Variants in DTWD1 observed in about 807,000 individuals in gnomAD.
DTWD1 encodes tRNA-uridine aminocarboxypropyltransferase 1.
In DTWD1, 27 loss-of-function variants were observed where a neutral mutation model predicts 30.2. The ratio of observed to expected loss-of-function variants is 0.90; its 90% CI spans 0.66 to 1.23. The LOEUF (loss-of-function observed/expected upper bound fraction) is 1.23. DTWD1 is among the 50% of genes most tolerant of loss of function. The probability of loss-of-function intolerance (pLI) is 0.00; values close to 1 mark genes in which losing one functional copy is unlikely to be tolerated. For synonymous variants in DTWD1, 99 were observed against 113.1 expected (o/e 0.88, Z 0.79); for missense variants, 342 against 348.8 (o/e 0.98, Z 0.15).
intron 4 of DTWD1, among the ~76,000 whole-genome samples, chr15:49,637,602 A>G (rs2079018310): frequency 6.6e-6 from 1 of 152,208 alleles, no homozygotes; most frequent in Non-Finnish European, 1.5e-5. Context: ...TTTAGAGTGA[A>G]AAACTTGGTT....
At chr15:49,633,894 T>C (rs537940389) in intron 3 of DTWD1, among the ~76,000 whole-genome samples, 1 of 152,236 alleles carries the variant, frequency 6.6e-6, no homozygotes, top group Non-Finnish European at 1.5e-5. Flanking sequence ...ATCATATTTA[T>C]GTAATTTTTC....
intron 3 of DTWD1, among the ~76,000 whole-genome samples, chr15:49,633,047 ATC>A (rs201054169): frequency 0.045 from 4,854 of 108,400 alleles, 295 homozygotes; most frequent in African/African-American, 0.14. Flanking sequence ...TTATATCTAT[ATC>A]TATATATATA....
At chr15:49,643,107 A>AT (rs2079084160) in intron 4 of DTWD1, among the ~76,000 whole-genome samples, 1 of 152,066 alleles carries the variant, frequency 6.6e-6, no homozygotes, top group African/African-American at 2.4e-5. Flanking sequence ...ACTGTCATGT[A>AT]TAAGATTTTA....
At position 49,651,240 on chromosome 15, in the gene DTWD1, A is replaced by T. The variant is rs541714987; in HGVS notation, c.*7662A>T. 1 of 152,294 alleles carries T rather than the reference A, an allele frequency of 6.6e-6. No homozygotes were observed. Among genetic ancestry groups the T allele is most frequent in the African/African-American group, 2.4e-5 (1 of 41,584 alleles). 9.4% of individuals were successfully genotyped at this position (152,294 alleles called of 1,614,324 possible). ...GAATAAATACTGGAAGATCAAGCAC[A>T]GAAAGTCTAGAATAGAGGCATGTGA... On this transcript the variant is annotated 3_prime_UTR_variant, in exon 5 of 5. Transcript: ENST00000403028.
At chr15:49,626,694 A>G (rs1005758632) in intron 2 of DTWD1, 5 of 384,262 alleles carry the variant, frequency 1.3e-5, no homozygotes, top group Non-Finnish European at 2.7e-5. Flanking sequence ...GTTCATTTGA[A>G]TTTGAAGTAA....
intron 4 of DTWD1, among the ~76,000 whole-genome samples, chr15:49,638,876 G>A (rs535804752): frequency 1.3e-4 from 20 of 152,268 alleles, no homozygotes; most frequent in Non-Finnish European, 2.6e-4. Flanking sequence ...TACAGGTGAA[G>A]AATGATATAA....
intron 1 of DTWD1, among the ~76,000 whole-genome samples, chr15:49,624,194 C>T (rs1394021022): frequency 6.6e-6 from 1 of 152,196 alleles, no homozygotes. Context: ...ATGTTTCCTG[C>T]TGGAGTCACA....
chr15:49,631,417 T>G (rs1397595018), intron 2 of DTWD1, among the ~76,000 whole-genome samples: 2 of 152,214 alleles, frequency 1.3e-5, no homozygotes, highest in Non-Finnish European at 2.9e-5. Flanking sequence ...GAACAGAATT[T>G]CAACTTGAAT....
At chr15:49,629,724 A>C (rs755342675) in intron 2 of DTWD1, 1 of 152,222 alleles carries the variant, frequency 6.6e-6, no homozygotes, top group African/African-American at 2.4e-5. Context: ...CTGCCTACTT[A>C]AATGGTAAAT....
intron 4 of DTWD1, among the ~76,000 whole-genome samples, chr15:49,642,525 A>G (rs552801553): frequency 2.0e-4 from 30 of 152,314 alleles, no homozygotes; most frequent in African/African-American, 7.2e-4. Flanking sequence ...GTTCATGAAT[A>G]TAGCCTGAAA....
rs754313737 is a variant in DTWD1 at position 49,632,135 on chromosome 15, T to A, written c.265-24T>A. 1.7e-5 allele frequency: 26 copies of A among 1,534,400 alleles called. 1 individual carries two copies. The South Asian group carries it at 2.8e-4, about 17-fold the overall frequency. ...AAATTAAAATGTTTATATATTTTTT[T>A]ATTTGTGCTTTTTTTACCTTTAGCT... On this transcript the variant is annotated intron_variant, in intron 2 of 4. Transcript: ENST00000403028.
chr15:49,647,202 C>G lies in DTWD1; in HGVS notation c.*3624C>G, dbSNP rs1482511353. 6.6e-6 allele frequency: 1 copy of G among 152,180 alleles called. No homozygotes were observed. Among genetic ancestry groups the G allele is most frequent in the African/African-American group, 2.4e-5 (1 of 41,450 alleles). The allele number at this position is 152,180 out of a possible 1,614,324, so 9.4% of individuals were successfully genotyped here. On this transcript the variant is annotated 3_prime_UTR_variant, in exon 5 of 5. Transcript: ENST00000403028. Reference sequence around the variant, plus strand: ...GAGCCCTTTGGTTCATCCTGAAGGTCCCCCTAAATCCCTTCAGAAGTCTTA... The same window carrying G: ...GAGCCCTTTGGTTCATCCTGAAGGTGCCCCTAAATCCCTTCAGAAGTCTTA...
chr15:49,629,083 G>A (rs1046437925), intron 2 of DTWD1, among the ~76,000 whole-genome samples: 31 of 152,000 alleles, frequency 2.0e-4, no homozygotes, highest in African/African-American at 6.0e-4. Context: ...GAGAACATGC[G>A]TTGTTTGGTT....
At chr15:49,624,568 A>G (rs2078813513) in intron 1 of DTWD1, among the ~76,000 whole-genome samples, 2 of 152,156 alleles carry the variant, frequency 1.3e-5, no homozygotes, top group African/African-American at 4.8e-5. Flanking sequence ...ATTTTACCTT[A>G]TGGGATATTT....
Position 49,633,049 on chromosome 15 carries a change from C to CTATATATATATATATATA in DTWD1, c.408+751_408+768dup, listed in dbSNP as rs1555588610. ...TTTACTTTCCTATTTATATCTATAT[C>CTATATATATATATATATA]TATATATATATATATATATATGTAT... On this transcript the variant is annotated intron_variant, in intron 3 of 4. Transcript: ENST00000403028. Among the ~76,000 whole-genome samples, 745 of 117,158 alleles carry CTATATATATATATATATA rather than the reference C, an allele frequency of 6.4e-3. 5 individuals are homozygous for CTATATATATATATATATA. Among genetic ancestry groups the CTATATATATATATATATA allele is most frequent in the South Asian group, 0.011 (42 of 3,724 alleles). 76.9% of individuals were successfully genotyped at this position (117,158 alleles called of 152,430 possible).
At chr15:49,625,950 C>A (rs2078838480) in intron 2 of DTWD1, among the ~76,000 whole-genome samples, 1 of 152,078 alleles carries the variant, frequency 6.6e-6, no homozygotes, top group Non-Finnish European at 1.5e-5. Flanking sequence ...AGAATAAGAA[C>A]ATCACACAAT....
At chr15:49,633,037 T>TTATA (rs1555588540) in intron 3 of DTWD1, among the ~76,000 whole-genome samples, 14 of 76,688 alleles carry the variant, frequency 1.8e-4, no homozygotes, top group African/African-American at 3.8e-4. Context: ...ACTTTCCTAT[T>TTATA]TATATCTATA....
rs746899763 is a variant in DTWD1, at chr15:49,630,921, G to C, written c.265-1238G>C. On this transcript the variant is annotated intron_variant, in intron 2 of 4. Coordinates refer to ENST00000403028, the MANE Select transcript of DTWD1 (RefSeq NM_001144955.2). ...AGGAGCATGAACCCTATTGTGAACTGTGCATACAAGGGACCTAGATTGCAT... is the reference window on the plus strand; with the variant it reads ...AGGAGCATGAACCCTATTGTGAACTCTGCATACAAGGGACCTAGATTGCAT... 7.5e-6 allele frequency: 3 copies of C among 398,878 alleles called. No individual in the cohort carries two copies. The Middle Eastern group carries it at 1.1e-3, about 142-fold the overall frequency. 24.7% of individuals were successfully genotyped at this position (398,878 alleles called of 1,614,324 possible). A position where few individuals can be genotyped will look rare whatever the true frequency, so the allele number is the denominator to read the frequency against.
chr15:49,642,433 G>C (rs2153354068), intron 4 of DTWD1, among the ~76,000 whole-genome samples: 1 of 152,212 alleles, frequency 6.6e-6, no homozygotes, highest in South Asian at 2.1e-4. Flanking sequence ...CTACCTGACT[G>C]TGTTATTGAG....
Sources: allele counts gnomAD v4.1 joint callset (sites outside exome capture counted in the v4.1 genomes callset), GRCh38; gene constraint gnomAD v4.1.1; transcripts MANE v1.5; gene names NCBI Gene and HGNC (gene_info 2026-07-23, HGNC 2026-07-21).